Variants in GRIA3 observed in about 807,000 individuals in gnomAD.
GRIA3 encodes the protein glutamate receptor 3.
A neutral mutation model predicts 63.0 loss-of-function variants in GRIA3; 3 were observed. That is an observed-to-expected ratio of 0.05 (90% CI 0.02 to 0.12). GRIA3 has a LOEUF of 0.12. Among genes scored for constraint, GRIA3 ranks in the 10% least tolerant of loss-of-function variants. The pLI, the probability that GRIA3 is intolerant of heterozygous loss-of-function variation, is 1.00. For synonymous variants in GRIA3, 274 were observed against 257.9 expected (o/e 1.06, Z -0.60); for missense variants, 347 against 700.9 (o/e 0.50, Z 5.70).
At chrX:123,394,213 T>C (rs1351911286) in intron 5 of GRIA3, among the ~76,000 whole-genome samples, 1 of 110,773 alleles carries the variant, frequency 9.0e-6, no homozygotes, top group East Asian at 2.8e-4. Context: ...AATACAAAAC[T>C]TGGGAGGGCA....
intron 3 of GRIA3, among the ~76,000 whole-genome samples, chrX:123,257,419 G>A (rs1355693193): frequency 1.9e-5 from 2 of 107,823 alleles, no homozygotes; most frequent in Non-Finnish European, 3.9e-5. Context: ...ATGGGTAGGA[G>A]GGAGAATGGG....
chrX:123,358,003 TATGGTC>T, intron 5 of GRIA3, among the ~76,000 whole-genome samples: 1 of 111,002 alleles, frequency 9.0e-6, no homozygotes, highest in Non-Finnish European at 1.9e-5. Context: ...TTATCCCTAC[TATGGTC>T]CATGGTTCCC....
chrX:123,237,903 C>T (rs979085715), intron 2 of GRIA3, among the ~76,000 whole-genome samples: 3 of 111,926 alleles, frequency 2.7e-5, no homozygotes, highest in African/African-American at 9.8e-5. Flanking sequence ...ACTGAAGGAG[C>T]ATCTGCAAGG....
intron 3 of GRIA3, among the ~76,000 whole-genome samples, chrX:123,310,598 A>T (rs2147322096): frequency 8.8e-6 from 1 of 113,201 alleles, no homozygotes; most frequent in Non-Finnish European, 1.9e-5. Context: ...ATTTGGGAAC[A>T]ATCAGGGTAA....
chrX:123,438,425 G>T (rs978498788), intron 12 of GRIA3, among the ~76,000 whole-genome samples: 2 of 112,410 alleles, frequency 1.8e-5, no homozygotes, highest in African/African-American at 6.5e-5. Context: ...TATAAACATT[G>T]GCATACAAAC....
At chrX:123,286,901 C>G (rs1249482498) in intron 3 of GRIA3, among the ~76,000 whole-genome samples, 1 of 111,884 alleles carries the variant, frequency 8.9e-6, no homozygotes, top group Non-Finnish European at 1.9e-5. Context: ...GGACATCTCC[C>G]TAACTTATTT....
chrX:123,440,878 G>T (rs113364726), intron 12 of GRIA3, among the ~76,000 whole-genome samples: 1,729 of 111,923 alleles, frequency 0.015, 37 homozygotes, highest in African/African-American at 0.052. Context: ...CTATGTCCAG[G>T]ATGGTATTGC....
At chrX:123,367,759 T>C (rs2045221610) in intron 5 of GRIA3, among the ~76,000 whole-genome samples, 1 of 111,559 alleles carries the variant, frequency 9.0e-6, no homozygotes, top group Non-Finnish European at 1.9e-5. Flanking sequence ...TTTGTTTGTT[T>C]GTTTGTTTTT....
At chrX:123,228,953 G>A (rs951731115) in intron 2 of GRIA3, among the ~76,000 whole-genome samples, 5 of 111,910 alleles carry the variant, frequency 4.5e-5, no homozygotes, top group African/African-American at 1.3e-4. Flanking sequence ...ATGGGGCCAC[G>A]CTTTATTGAA....
chrX:123,267,521 A>G (rs773808675), intron 3 of GRIA3, among the ~76,000 whole-genome samples: 1 of 112,203 alleles, frequency 8.9e-6, no homozygotes, highest in African/African-American at 3.2e-5. Context: ...AATCAATGGT[A>G]TTTAGACAGC....
chrX:123,382,500 G>C (rs962119814), intron 5 of GRIA3, among the ~76,000 whole-genome samples: 6 of 111,845 alleles, frequency 5.4e-5, no homozygotes, highest in Admixed American at 9.5e-5. Context: ...GGTTGAGGTT[G>C]GGTATAGAGA....
intron 2 of GRIA3, among the ~76,000 whole-genome samples, chrX:123,188,847 G>C (rs745942433): frequency 9.0e-6 from 1 of 111,687 alleles, no homozygotes; most frequent in Admixed American, 9.5e-5. Context: ...AATAAACAAA[G>C]GGTAATTCTT....
At chrX:123,277,415 C>T (rs946463859) in intron 3 of GRIA3, among the ~76,000 whole-genome samples, 6 of 111,079 alleles carry the variant, frequency 5.4e-5, no homozygotes, top group African/African-American at 1.6e-4. Flanking sequence ...AAACAAGAAG[C>T]GAGGAATGAA....
chrX:123,483,111 C>CTTTT, intron 15 of GRIA3, 65 bp downstream of exon 15: 3 of 741,843 alleles, frequency 4.0e-6, no homozygotes, highest in Non-Finnish European at 5.9e-6. Context: ...TTTTTTTCTT[C>CTTTT]TTTTTTTTTT....
chrX:123,283,157 C>G (rs1419969166), intron 3 of GRIA3, among the ~76,000 whole-genome samples: 1 of 111,463 alleles, frequency 9.0e-6, no homozygotes, highest in Non-Finnish European at 1.9e-5. Context: ...GGAACTCCCT[C>G]CCTTAGCCAA....
At chrX:123,364,876 T>C (rs961490866) in intron 5 of GRIA3, among the ~76,000 whole-genome samples, 12 of 112,246 alleles carry the variant, frequency 1.1e-4, no homozygotes, top group Non-Finnish European at 1.7e-4. Flanking sequence ...AAAAGACAAA[T>C]ACCACGTGAT....
At chrX:123,427,735 T>C (rs1416009025) in intron 11 of GRIA3, among the ~76,000 whole-genome samples, 8 of 111,035 alleles carry the variant, frequency 7.2e-5, no homozygotes, top group Non-Finnish European at 1.5e-4. Context: ...GTATTATGCA[T>C]GCACCATCAT....
rs184479073 is a variant in GRIA3, at chrX:123,370,788, T to C, written c.750+15825T>C. Among the ~76,000 whole-genome samples, 428 of 110,532 alleles carry C rather than the reference T, an allele frequency of 3.9e-3. 2 individuals are homozygous for C. The highest frequency in any genetic ancestry group is 0.013 in the African/African-American group (404 of 30,395). ...TGTGTATATATATATGTGTCATATA[T>C]ATATATGGTACATGATATATTTTGA... On this transcript the variant is annotated intron_variant, in intron 5 of 15. Coordinates refer to ENST00000620443, the MANE Select transcript of GRIA3 (RefSeq NM_007325.5).
chrX:123,425,382 T>C (rs1462499332), intron 11 of GRIA3, among the ~76,000 whole-genome samples: 3 of 112,062 alleles, frequency 2.7e-5, no homozygotes, highest in Non-Finnish European at 5.6e-5. Flanking sequence ...TTGGCACAGG[T>C]AAAGCAATTA....
Sources: gnomAD v4.1 joint callset for allele counts (sites outside exome capture counted in the v4.1 genomes callset) on GRCh38, gnomAD v4.1.1 for gene constraint, MANE v1.5 for transcripts, NCBI Gene and HGNC (gene_info 2026-07-23, HGNC 2026-07-21) for gene names.